The following EEA1 variants were observed in gnomAD, a reference collection of about 807,000 sequenced individuals.
The protein encoded by EEA1 is early endosome antigen 1.
In EEA1, 111 loss-of-function variants were observed where a neutral mutation model predicts 209.2. The observed-to-expected ratio is 0.53, with a 90% CI of 0.45 to 0.62. EEA1 has a LOEUF of 0.62. Among genes scored for constraint, EEA1 ranks in the 20% least tolerant of loss-of-function variants. The pLI is 0.00. For missense variants in EEA1, 1,343 were observed against 1,530.8 expected, an observed-to-expected ratio of 0.88 and a Z score of 2.05; for synonymous variants, 536 against 540.6, an observed-to-expected ratio of 0.99 and a Z score of 0.12.
intron 22 of EEA1, among the ~76,000 whole-genome samples, chr12:92,787,621 A>G (rs1271254993): frequency 6.6e-6 from 1 of 152,124 alleles, no homozygotes; most frequent in East Asian, 1.9e-4. Flanking sequence ...TAATACTTAC[A>G]TAAGTTAACA....
chr12:92,921,893 A>C (rs1331602465), intron 1 of EEA1, among the ~76,000 whole-genome samples: 2 of 150,764 alleles, frequency 1.3e-5, no homozygotes, highest in Non-Finnish European at 3.0e-5. Context: ...AAAAGAAAAA[A>C]AGAAAAGAAA....
In EEA1 at chr12:92,863,758, G is replaced by C. The variant is rs539059757; in HGVS notation, c.245+1102C>G. 5.3e-5 allele frequency among the ~76,000 whole-genome samples: 8 copies of C among 152,334 alleles called. No individual in the cohort carries two copies. In the South Asian group the frequency reaches 1.7e-3, roughly 32 times the overall value. Reference sequence around the variant, plus strand: ...ATCCAGGTTACTGTTGGTCTTCAGAGCCATAGCCAGAGAATGGTAGGGCAG... The same window carrying C: ...ATCCAGGTTACTGTTGGTCTTCAGACCCATAGCCAGAGAATGGTAGGGCAG... On this transcript the variant is annotated intron_variant, in intron 3 of 28. Transcript: ENST00000322349.
At chr12:92,899,707 G>A (rs1880071440) in intron 1 of EEA1, among the ~76,000 whole-genome samples, 1 of 152,234 alleles carries the variant, frequency 6.6e-6, no homozygotes, top group African/African-American at 2.4e-5. Flanking sequence ...GACAAAAGGT[G>A]TTGGAAGAAT....
intron 10 of EEA1, among the ~76,000 whole-genome samples, chr12:92,840,251 T>A (rs1326094529): frequency 6.6e-6 from 1 of 152,070 alleles, no homozygotes; most frequent in African/African-American, 2.4e-5. Context: ...ACCAAAAAAG[T>A]AAAGACAAAG....
intron 1 of EEA1, among the ~76,000 whole-genome samples, chr12:92,913,467 T>C: frequency 6.6e-6 from 1 of 152,232 alleles, no homozygotes; most frequent in Non-Finnish European, 1.5e-5. Flanking sequence ...AAGCATTTTC[T>C]CCCATTCTGT....
intron 1 of EEA1, among the ~76,000 whole-genome samples, chr12:92,898,262 A>T (rs1177857074): frequency 6.6e-6 from 1 of 152,174 alleles, no homozygotes; most frequent in Non-Finnish European, 1.5e-5. Context: ...TGCCATGACA[A>T]AGGGGAAATA....
intron 18 of EEA1, among the ~76,000 whole-genome samples, chr12:92,807,248 C>T (rs553364400): frequency 2.1e-3 from 298 of 139,446 alleles, no homozygotes; most frequent in African/African-American, 6.7e-3. Flanking sequence ...GCCACAAGGC[C>T]GATAATTTTT....
At chr12:92,856,767 CTTTTTTTTTTT>C (rs57579359) in intron 5 of EEA1, among the ~76,000 whole-genome samples, 195 of 86,680 alleles carry the variant, frequency 2.2e-3, no homozygotes, top group Non-Finnish European at 3.2e-3. Context: ...ATACCTGATT[CTTTTTTTTTTT>C]TTTTTTTTTT....
At chr12:92,853,865 A>C in intron 6 of EEA1, 50 bp downstream of exon 6, 1 of 1,540,004 alleles carries the variant, frequency 6.5e-7, no homozygotes, top group Non-Finnish European at 8.8e-7. Flanking sequence ...AAGGAAAACA[A>C]ATAAGAAGAA....
At position 92,773,533 on chromosome 12, in the gene EEA1, T is replaced by C. The variant is rs1873518421; in HGVS notation, c.*2478A>G. ...ATTAAAAAAAAGTCTGTAGGTATAG[T>C]TTATTGTACACTAACCCAGCAAGAC... On this transcript the variant is annotated 3_prime_UTR_variant, in exon 29 of 29. Coordinates refer to ENST00000322349, the MANE Select transcript of EEA1 (RefSeq NM_003566.4). 1 of 152,060 alleles carries C rather than the reference T, an allele frequency of 6.6e-6. No homozygotes were observed. The highest frequency in any genetic ancestry group is 1.5e-5 in the Non-Finnish European group (1 of 67,654). The allele number at this position is 152,060 out of a possible 1,614,324, so 9.4% of individuals were successfully genotyped here.
intron 2 of EEA1, among the ~76,000 whole-genome samples, chr12:92,886,794 C>G (rs948752602): frequency 9.9e-5 from 15 of 151,974 alleles, no homozygotes; most frequent in Admixed American, 3.3e-4. Flanking sequence ...GTCAGGAGAT[C>G]GAGACCATCC....
chr12:92,879,218 GTA>G, intron 2 of EEA1: 4 of 104,126 alleles, frequency 3.8e-5, no homozygotes, highest in Admixed American at 1.3e-4. Context: ...TTTTTTTTTT[GTA>G]TTTTGGAATA....
intron 22 of EEA1, among the ~76,000 whole-genome samples, chr12:92,784,280 T>C (rs1874034182): frequency 6.6e-6 from 1 of 152,092 alleles, no homozygotes; most frequent in African/African-American, 2.4e-5. Flanking sequence ...ATGTGCCAAA[T>C]GCACAGAAAA....
intron 2 of EEA1, among the ~76,000 whole-genome samples, chr12:92,873,781 A>G (rs1173905443): frequency 6.6e-6 from 1 of 152,232 alleles, no homozygotes; most frequent in East Asian, 1.9e-4. Flanking sequence ...GAATCTCATG[A>G]CAATTAAATA....
chr12:92,913,910 C>G (rs1364726558), intron 1 of EEA1, among the ~76,000 whole-genome samples: 1 of 152,130 alleles, frequency 6.6e-6, no homozygotes. Flanking sequence ...ATCCGCCCGC[C>G]TAGGCCTCCC....
At position 92,779,097 on chromosome 12, in the gene EEA1, C is replaced by T; in HGVS notation, c.3654+18G>A. ...AAGCTCTACTGCAAAACACACTTCCCCCGATTAACTCACTGACCAACTTAG... is the reference window on the plus strand; with the variant it reads ...AAGCTCTACTGCAAAACACACTTCCTCCGATTAACTCACTGACCAACTTAG... On this transcript the variant is annotated intron_variant, in intron 25 of 28. Coordinates refer to ENST00000322349, the MANE Select transcript of EEA1 (RefSeq NM_003566.4). 2 of 1,586,720 alleles carry T rather than the reference C, an allele frequency of 1.3e-6. No individual in the cohort carries two copies. Among genetic ancestry groups the T allele is most frequent in the Non-Finnish European group, 1.7e-6 (2 of 1,171,072 alleles).
At chr12:92,890,307 C>G (rs901457296) in intron 2 of EEA1, among the ~76,000 whole-genome samples, 23 of 152,056 alleles carry the variant, frequency 1.5e-4, no homozygotes, top group Non-Finnish European at 3.2e-4. Flanking sequence ...AGAATGGAAT[C>G]CACAGAACAA....
chr12:92,835,002 T>G (rs1429186840), intron 10 of EEA1, among the ~76,000 whole-genome samples: 1 of 151,928 alleles, frequency 6.6e-6, no homozygotes, highest in Non-Finnish European at 1.5e-5. Flanking sequence ...TGCCTCAGCC[T>G]CCCCAGCAGC....
intron 22 of EEA1, among the ~76,000 whole-genome samples, chr12:92,785,029 A>AC (rs1874068947): frequency 2.0e-5 from 3 of 150,448 alleles, no homozygotes; most frequent in Admixed American, 6.6e-5. Context: ...TACTTTCTTA[A>AC]AAAAAAAAAA....
Sources: allele counts gnomAD v4.1 joint callset (sites outside exome capture counted in the v4.1 genomes callset), GRCh38; gene constraint gnomAD v4.1.1; transcripts MANE v1.5; gene names NCBI Gene and HGNC (gene_info 2026-07-23, HGNC 2026-07-21).